CNTNAP5: variants seen among roughly 807,000 people sequenced by gnomAD.
CNTNAP5 encodes the protein contactin-associated protein-like 5.
A neutral mutation model predicts 150.2 loss-of-function variants in CNTNAP5; 72 were observed. The observed-to-expected ratio is 0.48, with a 90% CI of 0.40 to 0.58. The LOEUF (loss-of-function observed/expected upper bound fraction) is 0.58. Ranked by LOEUF, CNTNAP5 falls within the 20% of genes least tolerant of loss-of-function variation. The pLI, the probability that CNTNAP5 is intolerant of heterozygous loss-of-function variation, is 0.00. For synonymous variants in CNTNAP5, 672 were observed against 619.8 expected (o/e 1.08, Z -1.25); for missense variants, 1,636 against 1,626.2 (o/e 1.01, Z -0.10).
At chr2:124,226,607 A>T (rs775265011) in intron 2 of CNTNAP5, among the ~76,000 whole-genome samples, 21 of 151,864 alleles carry the variant, frequency 1.4e-4, no homozygotes, top group Non-Finnish European at 2.5e-4. Context: ...TTTTAGTTTG[A>T]TATAGTCCCA....
intron 13 of CNTNAP5, among the ~76,000 whole-genome samples, 196 bp from the exon 14 acceptor site, chr2:124,747,033 A>G (rs1269368406): frequency 6.6e-6 from 1 of 152,170 alleles, no homozygotes; most frequent in African/African-American, 2.4e-5. Context: ...GAACAAAAAA[A>G]TGAGATAACG....
intron 7 of CNTNAP5, among the ~76,000 whole-genome samples, chr2:124,483,080 C>G (rs1693797013): frequency 6.6e-6 from 1 of 152,176 alleles, no homozygotes; most frequent in South Asian, 2.1e-4. Flanking sequence ...GCCAGCTGAG[C>G]TGTCTTTTTT....
chr2:124,896,006 C>T (rs746066460), intron 21 of CNTNAP5, among the ~76,000 whole-genome samples: 7 of 151,500 alleles, frequency 4.6e-5, no homozygotes, highest in East Asian at 1.9e-4. Flanking sequence ...GAACAGACAT[C>T]GTGATGTGTG....
intron 13 of CNTNAP5, among the ~76,000 whole-genome samples, chr2:124,651,603 T>C (rs1031087484): frequency 1.3e-5 from 2 of 152,166 alleles, no homozygotes; most frequent in African/African-American, 4.8e-5. Flanking sequence ...CAAAATCTCC[T>C]GAAGTCAGAG....
chr2:124,846,948 A>G (rs1453620159), intron 19 of CNTNAP5, among the ~76,000 whole-genome samples: 2 of 152,162 alleles, frequency 1.3e-5, no homozygotes, highest in Non-Finnish European at 2.9e-5. Flanking sequence ...GCAGCTGTGG[A>G]TAACAGCAAC....
intron 1 of CNTNAP5, among the ~76,000 whole-genome samples, chr2:124,162,012 C>T (rs1684692016): frequency 1.3e-5 from 2 of 152,144 alleles, no homozygotes; most frequent in South Asian, 4.1e-4. Context: ...AGCAGATGCA[C>T]ACCATATGTG....
At chr2:124,552,227 G>A (rs932968235) in intron 10 of CNTNAP5, among the ~76,000 whole-genome samples, 4 of 152,002 alleles carry the variant, frequency 2.6e-5, no homozygotes, top group East Asian at 1.9e-4. Context: ...GAGGGCAGTC[G>A]GCTAGACTTG....
intron 4 of CNTNAP5, among the ~76,000 whole-genome samples, chr2:124,425,619 C>T (rs1004270957): frequency 6.6e-6 from 1 of 150,452 alleles, no homozygotes; most frequent in Non-Finnish European, 1.5e-5. Flanking sequence ...CCATATGTCC[C>T]AGCTTGCTCC....
intron 1 of CNTNAP5, among the ~76,000 whole-genome samples, chr2:124,054,881 C>T (rs10210450): frequency 0.12 from 17,959 of 151,996 alleles, 1,134 homozygotes; most frequent in South Asian, 0.22. Flanking sequence ...GCTAGCAGGG[C>T]AAAAAGAGAA....
intron 10 of CNTNAP5, among the ~76,000 whole-genome samples, chr2:124,547,006 G>A (rs1695527282): frequency 6.6e-6 from 1 of 152,138 alleles, no homozygotes; most frequent in Admixed American, 6.6e-5. Flanking sequence ...AAATATTTAG[G>A]GAGAATTAAG....
At chr2:124,760,142 C>A (rs1573598982) in intron 14 of CNTNAP5, among the ~76,000 whole-genome samples, 1 of 151,904 alleles carries the variant, frequency 6.6e-6, no homozygotes, top group Admixed American at 6.6e-5. Context: ...TCATGTACCC[C>A]ACTCAGGAGA....
chr2:124,317,455 C>T (rs886577080), intron 3 of CNTNAP5, among the ~76,000 whole-genome samples: 1 of 152,078 alleles, frequency 6.6e-6, no homozygotes, highest in Non-Finnish European at 1.5e-5. Context: ...CCACTTTGCT[C>T]GCCAGTGCTC....
At chr2:124,578,649 A>G (rs953121595) in intron 11 of CNTNAP5, among the ~76,000 whole-genome samples, 1 of 152,050 alleles carries the variant, frequency 6.6e-6, no homozygotes, top group Non-Finnish European at 1.5e-5. Flanking sequence ...GTGCACGCCT[A>G]TAGTCCCAGC....
intron 13 of CNTNAP5, among the ~76,000 whole-genome samples, chr2:124,676,021 T>A (rs188280642): frequency 9.5e-4 from 144 of 152,334 alleles, no homozygotes; most frequent in Non-Finnish European, 1.7e-3. Flanking sequence ...TTTTTATTGT[T>A]TCTGATGATG....
chr2:124,424,656 A>C (rs552119880), intron 4 of CNTNAP5, among the ~76,000 whole-genome samples: 1 of 152,172 alleles, frequency 6.6e-6, no homozygotes, highest in Admixed American at 6.5e-5. Flanking sequence ...TAAATCAATG[A>C]CTTCTTTATA....
chr2:124,522,009 A>G (rs1218102663), intron 8 of CNTNAP5, among the ~76,000 whole-genome samples: 1 of 152,172 alleles, frequency 6.6e-6, no homozygotes, highest in Non-Finnish European at 1.5e-5. Context: ...TCAGGATTGC[A>G]GTGATCTGGC....
intron 1 of CNTNAP5, among the ~76,000 whole-genome samples, chr2:124,085,172 G>C (rs1004672912): frequency 6.6e-6 from 1 of 151,550 alleles, no homozygotes; most frequent in Non-Finnish European, 1.5e-5. Flanking sequence ...CACCTGCCTC[G>C]GCCTCTCAAA....
At chr2:124,830,428 A>T (rs1682688748) in intron 19 of CNTNAP5, among the ~76,000 whole-genome samples, 1 of 151,818 alleles carries the variant, frequency 6.6e-6, no homozygotes, top group Non-Finnish European at 1.5e-5. Context: ...ATAAAGAAAA[A>T]CCTCCCATAG....
chr2:124,244,261 T>C (rs1479756645), intron 3 of CNTNAP5, among the ~76,000 whole-genome samples: 3 of 152,122 alleles, frequency 2.0e-5, no homozygotes, highest in East Asian at 3.9e-4. Flanking sequence ...TTCTAAATGA[T>C]TCCAAGCTCC....
Sources: gnomAD v4.1 joint callset for allele counts (sites outside exome capture counted in the v4.1 genomes callset) on GRCh38, gnomAD v4.1.1 for gene constraint, MANE v1.5 for transcripts, NCBI Gene and HGNC (gene_info 2026-07-23, HGNC 2026-07-21) for gene names.